The following SYNPR variants were observed in gnomAD, a reference collection of about 807,000 sequenced individuals.
SYNPR encodes the protein synaptoporin.
Under a neutral mutation model 32.9 loss-of-function variants are expected in SYNPR, and 23 were observed. The ratio of observed to expected loss-of-function variants is 0.70; its 90% CI spans 0.50 to 0.99. The LOEUF (loss-of-function observed/expected upper bound fraction) is 0.99. Ranked by LOEUF, SYNPR falls within the 50% of genes least tolerant of loss-of-function variation. SYNPR has a pLI of 0.00. For missense variants in SYNPR, 318 were observed against 349.3 expected (o/e 0.91, Z 0.71); for synonymous variants, 146 against 135.9 (o/e 1.07, Z -0.52).
intron 3 of SYNPR, among the ~76,000 whole-genome samples, chr3:63,489,473 G>C (rs1192216112): frequency 1.3e-5 from 2 of 152,166 alleles, no homozygotes; most frequent in Non-Finnish European, 2.9e-5. Flanking sequence ...GCAACCAACA[G>C]CTTCTAATAC....
intron 4 of SYNPR, among the ~76,000 whole-genome samples, chr3:63,599,209 T>C (rs886334403): frequency 2.0e-5 from 3 of 152,190 alleles, no homozygotes; most frequent in Non-Finnish European, 2.9e-5. Context: ...GCCATCATAA[T>C]GTTATGGTAG....
At chr3:63,439,796 G>A (rs2107157624) in intron 2 of SYNPR, among the ~76,000 whole-genome samples, 1 of 152,236 alleles carries the variant, frequency 6.6e-6, no homozygotes, top group South Asian at 2.1e-4. Flanking sequence ...CATCTGTTCT[G>A]TATTTCAAGG....
At chr3:63,362,841 T>C (rs778179025) in intron 2 of SYNPR, among the ~76,000 whole-genome samples, 9 of 152,190 alleles carry the variant, frequency 5.9e-5, no homozygotes, top group Non-Finnish European at 1.3e-4. Flanking sequence ...TTCCTTTTAG[T>C]ACCTTGATTC....
intron 3 of SYNPR, among the ~76,000 whole-genome samples, chr3:63,512,462 T>C (rs887471625): frequency 1.3e-5 from 2 of 152,174 alleles, no homozygotes; most frequent in Non-Finnish European, 2.9e-5. Context: ...ATTATGGCTG[T>C]TAATCAGCTG....
rs561647212 is a variant in SYNPR, at chr3:63,435,249, G to A, written c.85-45583G>A. ...GCAGACTTTGGCAACTTACTGAACC[G>A]CACTAAACCTTATCATTTTCGTTTG... On this transcript the variant is annotated intron_variant, in intron 2 of 5. Coordinates refer to ENST00000478300, the MANE Select transcript of SYNPR (RefSeq NM_001130003.2). Among the ~76,000 whole-genome samples, 254 of 152,246 alleles carry A rather than the reference G, an allele frequency of 1.7e-3. 2 individuals carry two copies. The highest frequency in any genetic ancestry group is 3.0e-3 in the Non-Finnish European group (207 of 68,036).
At chr3:63,306,637 A>C (rs2086913571) in intron 2 of SYNPR, among the ~76,000 whole-genome samples, 1 of 152,080 alleles carries the variant, frequency 6.6e-6, no homozygotes, top group African/African-American at 2.4e-5. Flanking sequence ...AGAACTCAAT[A>C]TGCTTAATTA....
chr3:63,500,542 A>T (rs1425896160), intron 3 of SYNPR, among the ~76,000 whole-genome samples: 2 of 152,174 alleles, frequency 1.3e-5, no homozygotes. Flanking sequence ...AAAAGTACTG[A>T]ATATATGACA....
chr3:63,550,713 C>T (rs1404194162), intron 3 of SYNPR, among the ~76,000 whole-genome samples: 1 of 152,214 alleles, frequency 6.6e-6, no homozygotes, highest in South Asian at 2.1e-4. Context: ...TGGGGTGCAG[C>T]CTGGCACCTG....
At chr3:63,438,171 T>C (rs1575644008) in intron 2 of SYNPR, among the ~76,000 whole-genome samples, 1 of 152,300 alleles carries the variant, frequency 6.6e-6, no homozygotes, top group East Asian at 1.9e-4. Context: ...CTTCAGAAAA[T>C]ATGTCTTGCA....
chr3:63,448,345 T>G (rs1268968039), intron 2 of SYNPR, among the ~76,000 whole-genome samples: 2 of 152,222 alleles, frequency 1.3e-5, no homozygotes, highest in African/African-American at 4.8e-5. Flanking sequence ...ACACCTTGTC[T>G]CAATGTAGAC....
intron 4 of SYNPR, among the ~76,000 whole-genome samples, chr3:63,584,195 G>C (rs1703142824): frequency 6.6e-6 from 1 of 152,076 alleles, no homozygotes; most frequent in African/African-American, 2.4e-5. Context: ...GCCTTAAGGA[G>C]GGCCTTCATT....
chr3:63,427,208 C>A (rs1474082213), intron 2 of SYNPR, among the ~76,000 whole-genome samples: 1 of 148,426 alleles, frequency 6.7e-6, no homozygotes. Flanking sequence ...GGATCTGTTA[C>A]CTTGATTTTA....
At chr3:63,609,395 C>A in intron 5 of SYNPR, 79 bp downstream of exon 5, 2 of 1,312,772 alleles carry the variant, frequency 1.5e-6, no homozygotes, top group Non-Finnish European at 2.0e-6. Flanking sequence ...TCTCAGAAGT[C>A]ATCTTGAAAA....
chr3:63,261,457 A>G (rs1320245637), intron 2 of SYNPR, among the ~76,000 whole-genome samples: 1 of 150,904 alleles, frequency 6.6e-6, no homozygotes, highest in Non-Finnish European at 1.5e-5. Flanking sequence ...TCAGTAAACT[A>G]TTGCAAGAAC....
At chr3:63,494,458 T>TAC (rs1227237808) in intron 3 of SYNPR, among the ~76,000 whole-genome samples, 1 of 132,268 alleles carries the variant, frequency 7.6e-6, no homozygotes, top group African/African-American at 2.9e-5. Flanking sequence ...CACATATATA[T>TAC]ACATATATAC....
intron 2 of SYNPR, among the ~76,000 whole-genome samples, chr3:63,478,690 T>C (rs1454041040): frequency 6.6e-6 from 1 of 152,220 alleles, no homozygotes; most frequent in African/African-American, 2.4e-5. Flanking sequence ...TAAATACATA[T>C]TCCGTCTCAC....
At position 63,556,688 on chromosome 3, in the gene SYNPR, G is replaced by T. The variant is rs374740601; in HGVS notation, c.355G>T (p.Val119Phe). 1 of 1,613,730 alleles carries T rather than the reference G, an allele frequency of 6.2e-7. No homozygotes were observed. The highest frequency in any genetic ancestry group is 1.7e-5 in the Admixed American group (1 of 59,986). ...CCTCTACTCTTTGGCTGCCACTGTCGTTTACATTTTCTTCCAGAACAAATA... is the reference window on the plus strand; with the variant it reads ...CCTCTACTCTTTGGCTGCCACTGTCTTTTACATTTTCTTCCAGAACAAATA... ...AFLYSLAATV[V>F]YIFFQNKYRE... Residue 119 changes from valine to phenylalanine, a missense_variant, in exon 4 of 6, where the codon GTT becomes TTT. Physicochemically the swap from Val to Phe is conservative, Grantham distance 50 (BLOSUM62 -1). Transcript: ENST00000478300.
intron 1 of SYNPR, among the ~76,000 whole-genome samples, chr3:63,238,953 G>A (rs1187542843): frequency 2.0e-5 from 3 of 152,006 alleles, no homozygotes; most frequent in African/African-American, 7.2e-5. Flanking sequence ...ATATTGTATT[G>A]TTTAATTTAA....
intron 2 of SYNPR, among the ~76,000 whole-genome samples, chr3:63,355,573 A>T (rs2087566178): frequency 6.6e-6 from 1 of 151,942 alleles, no homozygotes; most frequent in Non-Finnish European, 1.5e-5. Flanking sequence ...ATCCCAAATG[A>T]CTCCTACCAC....
Sources: allele counts gnomAD v4.1 joint callset (sites outside exome capture counted in the v4.1 genomes callset), GRCh38; gene constraint gnomAD v4.1.1; transcripts MANE v1.5; gene names NCBI Gene and HGNC (gene_info 2026-07-23, HGNC 2026-07-21).